The following SLC9C2 variants were observed in gnomAD, a reference collection of about 807,000 sequenced individuals.
The protein encoded by SLC9C2 is sodium/hydrogen exchanger 11.
In SLC9C2, 75 loss-of-function variants were observed where a neutral mutation model predicts 140.2. The observed-to-expected ratio is 0.53, with a 90% confidence interval of 0.44 to 0.65. The LOEUF (loss-of-function observed/expected upper bound fraction) is 0.65, where lower values mean the gene tolerates loss of function less well. SLC9C2 is among the 30% of genes least tolerant of loss of function. SLC9C2 has a pLI of 0.00. For synonymous variants in SLC9C2, 375 were observed against 420.9 expected (o/e 0.89, Z 1.34); for missense variants, 1,074 against 1,331.8 (o/e 0.81, Z 3.01).
intron 13 of SLC9C2, among the ~76,000 whole-genome samples, chr1:173,543,722 T>G (rs1662616578): frequency 6.6e-6 from 1 of 152,200 alleles, no homozygotes; most frequent in Admixed American, 6.5e-5. Context: ...CCATCTGATC[T>G]TTGACAAACC....
At chr1:173,601,512 C>T (rs993030603) in intron 2 of SLC9C2, 138 bp downstream of exon 2, 28 of 907,090 alleles carry the variant, frequency 3.1e-5, no homozygotes, top group South Asian at 3.7e-5. Context: ...TTAAATGAAG[C>T]GAGATTGACA....
intron 13 of SLC9C2, among the ~76,000 whole-genome samples, chr1:173,543,549 C>T (rs1039564017): frequency 6.6e-6 from 1 of 152,188 alleles, no homozygotes; most frequent in Non-Finnish European, 1.5e-5. Flanking sequence ...CTTGCCAAGA[C>T]AATCCTAACC....
At chr1:173,527,340 A>G (rs138699872) in intron 18 of SLC9C2, among the ~76,000 whole-genome samples, 1 of 152,214 alleles carries the variant, frequency 6.6e-6, no homozygotes, top group African/African-American at 2.4e-5. Flanking sequence ...AGAAAAGATC[A>G]GTATGTACTC....
intron 15 of SLC9C2, among the ~76,000 whole-genome samples, chr1:173,535,463 A>G (rs1052306055): frequency 6.6e-6 from 1 of 152,222 alleles, no homozygotes; most frequent in Non-Finnish European, 1.5e-5. Flanking sequence ...GAATCACACA[A>G]TAGAACAGAT....
At chr1:173,595,789 C>T (rs1341164290) in intron 4 of SLC9C2, among the ~76,000 whole-genome samples, 1 of 152,166 alleles carries the variant, frequency 6.6e-6, no homozygotes, top group East Asian at 1.9e-4. Flanking sequence ...ACTTTATTTT[C>T]AATTTATAAA....
intron 23 of SLC9C2, among the ~76,000 whole-genome samples, chr1:173,513,987 C>G (rs1380950341): frequency 6.6e-6 from 1 of 152,102 alleles, no homozygotes; most frequent in Non-Finnish European, 1.5e-5. Flanking sequence ...GTTTCTCAAC[C>G]CTGAGTTCTA....
At chr1:173,527,916 T>G (rs1661319092) in intron 18 of SLC9C2, among the ~76,000 whole-genome samples, 1 of 152,210 alleles carries the variant, frequency 6.6e-6, no homozygotes, top group African/African-American at 2.4e-5. Context: ...ATTAAATTAT[T>G]TCTTCTTACT....
At chr1:173,514,423 C>A (rs1210818042) in intron 23 of SLC9C2, among the ~76,000 whole-genome samples, 1 of 152,038 alleles carries the variant, frequency 6.6e-6, no homozygotes, top group Non-Finnish European at 1.5e-5. Flanking sequence ...CCTTATTTGT[C>A]TTTTTTGATC....
At chr1:173,599,032 T>G (rs929709044) in intron 3 of SLC9C2, among the ~76,000 whole-genome samples, 2 of 152,240 alleles carry the variant, frequency 1.3e-5, no homozygotes, top group African/African-American at 4.8e-5. Context: ...TATATGAAGC[T>G]ATGAAGTGTG....
rs546279393 is a variant in SLC9C2 at position 173,541,942 on chromosome 1, T to G, written c.1558-4903A>C. ...AAAATCAATACCCTAACATCACAAT[T>G]AAAAGAACTAGAGAAGCAAGAGCAA... On this transcript the variant is annotated intron_variant, in intron 13 of 27. Coordinates refer to ENST00000367714, the MANE Select transcript of SLC9C2 (RefSeq NM_178527.4). 2.0e-5 allele frequency among the ~76,000 whole-genome samples: 3 copies of G among 152,016 alleles called. No homozygotes were observed. The South Asian group carries it at 6.2e-4, about 32-fold the overall frequency.
At chr1:173,564,783 G>A (rs974055694) in intron 9 of SLC9C2, among the ~76,000 whole-genome samples, 5 of 144,808 alleles carry the variant, frequency 3.5e-5, no homozygotes, top group Middle Eastern at 3.9e-3. Context: ...AACTACAGGC[G>A]CCTGCCACCA....
At position 173,529,037 on chromosome 1, in the gene SLC9C2, T is replaced by G. The variant is rs922274426; in HGVS notation, c.2313+868A>C. ...ATTCTTTTAAAGCAAACAGTTGTTA[T>G]GAAAAGGAAGCAACCACAGTTTTTG... On this transcript the variant is annotated intron_variant, in intron 18 of 27. Transcript: ENST00000367714. 3.0e-4 allele frequency among the ~76,000 whole-genome samples: 46 copies of G among 152,160 alleles called. 1 individual carries two copies. The highest frequency in any genetic ancestry group is 3.0e-3 in the Admixed American group (46 of 15,274).
chr1:173,521,506 TTA>T, intron 21 of SLC9C2, 107 bp from the exon 22 acceptor site: 1 of 276,732 alleles, frequency 3.6e-6, no homozygotes, highest in South Asian at 1.5e-4. Context: ...TATGATTTTA[TTA>T]TATATGTGTG....
intron 5 of SLC9C2, 76 bp downstream of exon 5, chr1:173,587,589 C>G: frequency 7.3e-7 from 1 of 1,378,576 alleles, no homozygotes; most frequent in Non-Finnish European, 9.8e-7. Context: ...ACAATTCATG[C>G]AAGAAAAATA....
chr1:173,570,099 G>T (rs1009694350), intron 9 of SLC9C2, among the ~76,000 whole-genome samples: 1 of 152,206 alleles, frequency 6.6e-6, no homozygotes, highest in East Asian at 1.9e-4. Context: ...GTTCAAGAAT[G>T]CCTAGGCCTG....
At chr1:173,598,652 T>C (rs1666579959) in intron 3 of SLC9C2, among the ~76,000 whole-genome samples, 1 of 152,184 alleles carries the variant, frequency 6.6e-6, no homozygotes, top group African/African-American at 2.4e-5. Flanking sequence ...TTACTTCACC[T>C]CCCTATACCT....
chr1:173,517,707 G>A lies in SLC9C2; in HGVS notation c.2740-3C>T. The A allele has an allele frequency of 6.3e-7, 1 of 1,594,476 alleles. No individual in the cohort carries two copies. The highest frequency in any genetic ancestry group is 8.5e-7 in the Non-Finnish European group (1 of 1,174,022). On this transcript the variant is annotated splice_polypyrimidine_tract_variant and splice_region_variant and intron_variant, in intron 22 of 27. Coordinates refer to ENST00000367714, the MANE Select transcript of SLC9C2 (RefSeq NM_178527.4). ...AAGGTAGGAGATAAACTATGCAACT[G>A]CAAAGGGAAAAAAAGTGTGCAAAGG... is the stretch of plus-strand genomic sequence containing the variant.
intron 9 of SLC9C2, among the ~76,000 whole-genome samples, chr1:173,560,204 G>T (rs577949087): frequency 6.6e-6 from 1 of 152,316 alleles, no homozygotes; most frequent in African/African-American, 2.4e-5. Context: ...CATACATAAA[G>T]AAGTGTAATA....
intron 11 of SLC9C2, among the ~76,000 whole-genome samples, chr1:173,549,780 A>G (rs1663123714): frequency 6.6e-6 from 1 of 152,218 alleles, no homozygotes; most frequent in African/African-American, 2.4e-5. Flanking sequence ...CAGTGAGTTA[A>G]AAGAAATTCT....
Sources: allele counts gnomAD v4.1 joint callset (sites outside exome capture counted in the v4.1 genomes callset), GRCh38; gene constraint gnomAD v4.1.1; transcripts MANE v1.5; gene names NCBI Gene and HGNC (gene_info 2026-07-23, HGNC 2026-07-21).